The following APP variants were observed in gnomAD, a reference collection of about 807,000 sequenced individuals.
APP encodes amyloid beta precursor protein, also known as amyloid-beta precursor protein.
Under a neutral mutation model 101.4 loss-of-function variants are expected in APP, and 31 were observed. The ratio of observed to expected loss-of-function variants is 0.31; its 90% confidence interval spans 0.23 to 0.41. APP has a LOEUF of 0.41. Among genes scored for constraint, APP ranks in the 10% least tolerant of loss-of-function variants. APP has a pLI of 1.00. For missense variants in APP, 839 were observed against 1,003.7 expected (o/e 0.84, Z 2.22); for synonymous variants, 366 against 364.4 (o/e 1.00, Z -0.05).
intron 1 of APP, among the ~76,000 whole-genome samples, chr21:26,129,940 C>A (rs1047406722): frequency 6.6e-6 from 1 of 152,180 alleles, no homozygotes; most frequent in African/African-American, 2.4e-5. Context: ...AATAGTACTA[C>A]ACATGCCTTG....
chr21:25,931,100 A>C (rs1404328395), intron 13 of APP, among the ~76,000 whole-genome samples: 2 of 152,164 alleles, frequency 1.3e-5, no homozygotes, highest in Non-Finnish European at 2.9e-5. Context: ...TAACTTCATC[A>C]ATTTCTTTTC....
At chr21:26,092,528 G>T (rs1198454813) in intron 2 of APP, among the ~76,000 whole-genome samples, 1 of 152,184 alleles carries the variant, frequency 6.6e-6, no homozygotes, top group Non-Finnish European at 1.5e-5. Flanking sequence ...GTTGGGGGCA[G>T]GGGGAGGATG....
chr21:25,916,054 C>A (rs956138825), intron 13 of APP, among the ~76,000 whole-genome samples: 2 of 151,120 alleles, frequency 1.3e-5, no homozygotes, highest in Non-Finnish European at 2.9e-5. Context: ...TTAGAAATAA[C>A]CACCCCTGGC....
At chr21:26,046,000 A>T (rs920821985) in intron 5 of APP, among the ~76,000 whole-genome samples, 1 of 152,100 alleles carries the variant, frequency 6.6e-6, no homozygotes, top group Non-Finnish European at 1.5e-5. Context: ...AGGCAAAGAG[A>T]GAGAACTTGT....
intron 2 of APP, among the ~76,000 whole-genome samples, chr21:26,096,075 C>A (rs150505603): frequency 6.6e-6 from 1 of 152,162 alleles, no homozygotes; most frequent in South Asian, 2.1e-4. Context: ...TGTATAAATA[C>A]GTACACTGTG....
chr21:26,078,749 A>C (rs1197618258), intron 3 of APP, among the ~76,000 whole-genome samples: 1 of 152,222 alleles, frequency 6.6e-6, no homozygotes, highest in East Asian at 1.9e-4. Flanking sequence ...AATGGTTAAA[A>C]AAAACATCAA....
chr21:26,030,787 C>T (rs958871697), intron 5 of APP, among the ~76,000 whole-genome samples: 4 of 152,136 alleles, frequency 2.6e-5, no homozygotes, highest in Admixed American at 2.0e-4. Context: ...CGAGCAAATT[C>T]CTCATGTCCA....
chr21:26,163,880 A>G (rs2060125049), intron 1 of APP, among the ~76,000 whole-genome samples: 1 of 152,258 alleles, frequency 6.6e-6, no homozygotes, highest in African/African-American at 2.4e-5. Context: ...AAAAATATAT[A>G]ATTTCAATTA....
chr21:26,003,099 A>T (rs2043367603), intron 6 of APP, among the ~76,000 whole-genome samples: 1 of 152,238 alleles, frequency 6.6e-6, no homozygotes, highest in Admixed American at 6.5e-5. Flanking sequence ...AATTAAACAT[A>T]ATGCTACATT....
At chr21:26,170,377 G>T (rs955514816) in intron 1 of APP, among the ~76,000 whole-genome samples, 187 bp downstream of exon 1, 2 of 152,176 alleles carry the variant, frequency 1.3e-5, no homozygotes, top group East Asian at 1.9e-4. Context: ...GCCGGAGCGC[G>T]ACTCCCTGGG....
intron 8 of APP, among the ~76,000 whole-genome samples, chr21:25,992,468 T>A (rs955692149): frequency 6.6e-6 from 1 of 152,210 alleles, no homozygotes; most frequent in Non-Finnish European, 1.5e-5. Context: ...TTTCATGTTA[T>A]TTCATCATGA....
At chr21:25,963,150 C>T (rs1162696377) in intron 11 of APP, among the ~76,000 whole-genome samples, 1 of 152,112 alleles carries the variant, frequency 6.6e-6, no homozygotes, top group African/African-American at 2.4e-5. Context: ...ATTTCTTAGA[C>T]GTATTTACTT....
chr21:26,140,333 T>G, intron 1 of APP: 1 of 1,522,528 alleles, frequency 6.6e-7, no homozygotes, highest in Non-Finnish European at 8.8e-7. Flanking sequence ...GGAGGGTGAG[T>G]CAACAGCATG....
At chr21:26,092,296 C>T (rs2146120695) in intron 2 of APP, among the ~76,000 whole-genome samples, 1 of 152,270 alleles carries the variant, frequency 6.6e-6, no homozygotes. Context: ...ATAAATAACA[C>T]TGTGGGGTAC....
At chr21:26,055,095 C>T (rs1323488962) in intron 3 of APP, among the ~76,000 whole-genome samples, 1 of 152,006 alleles carries the variant, frequency 6.6e-6, no homozygotes, top group Non-Finnish European at 1.5e-5. Context: ...ATCAATGATG[C>T]CCATAGCAGT....
chr21:25,881,934 T>C (rs556770258), intron 17 of APP, among the ~76,000 whole-genome samples, 163 bp from the exon 18 acceptor site: 8 of 152,168 alleles, frequency 5.3e-5, no homozygotes, highest in African/African-American at 1.7e-4. Context: ...GCAGAACGCC[T>C]TTGCCCACCA....
chr21:25,972,868 A>C (rs2042085876), intron 11 of APP, among the ~76,000 whole-genome samples: 1 of 152,154 alleles, frequency 6.6e-6, no homozygotes, highest in South Asian at 2.1e-4. Flanking sequence ...AAACATCAAC[A>C]ATGTAGTAAG....
chr21:26,146,187 T>G (rs898387539), intron 1 of APP, among the ~76,000 whole-genome samples: 2 of 152,166 alleles, frequency 1.3e-5, no homozygotes, highest in African/African-American at 4.8e-5. Context: ...ATACAAAAAA[T>G]GAGCCAGGCG....
intron 14 of APP, among the ~76,000 whole-genome samples, chr21:25,905,705 T>C (rs1164440265): frequency 6.6e-6 from 1 of 152,190 alleles, no homozygotes; most frequent in Non-Finnish European, 1.5e-5. Flanking sequence ...AGCTGAAACG[T>C]GTGAAATGAG....
Sources: gnomAD v4.1 joint callset for allele counts (sites outside exome capture counted in the v4.1 genomes callset) on GRCh38, gnomAD v4.1.1 for gene constraint, MANE v1.5 for transcripts, NCBI Gene and HGNC (gene_info 2026-07-23, HGNC 2026-07-21) for gene names.